Variants in NAALADL2 observed in about 807,000 individuals in gnomAD.
NAALADL2 encodes the protein N-acetylated alpha-linked acidic dipeptidase like 2.
NAALADL2 carries 76 observed loss-of-function variants against 87.2 expected under a neutral mutation model. That is an observed-to-expected ratio of 0.87 (90% CI 0.72 to 1.05). NAALADL2 has a LOEUF of 1.05. NAALADL2 is among the 50% of genes least tolerant of loss of function. The probability of loss-of-function intolerance (pLI) is 0.00; values close to 1 mark genes in which losing one functional copy is unlikely to be tolerated. For missense variants in NAALADL2, 1,089 were observed against 945.8 expected (o/e 1.15, Z -1.99); for synonymous variants, 354 against 331.0 (o/e 1.07, Z -0.75).
At chr3:175,227,109 A>AT (rs533258060) in intron 2 of NAALADL2, among the ~76,000 whole-genome samples, 75 of 152,010 alleles carry the variant, frequency 4.9e-4, no homozygotes, top group Non-Finnish European at 8.0e-4. Flanking sequence ...AAATGTGCTG[A>AT]TTTTTTCCAT....
intron 3 of NAALADL2, among the ~76,000 whole-genome samples, chr3:174,841,302 T>G (rs1186216489): frequency 6.6e-6 from 1 of 152,196 alleles, no homozygotes; most frequent in Non-Finnish European, 1.5e-5. Context: ...ATTAATGTTT[T>G]AAGATATTAA....
At chr3:175,536,888 A>C (rs1007944965) in intron 9 of NAALADL2, among the ~76,000 whole-genome samples, 1 of 152,184 alleles carries the variant, frequency 6.6e-6, no homozygotes, top group Non-Finnish European at 1.5e-5. Flanking sequence ...AGCCTGAGGC[A>C]GGAGAATGGC....
intron 12 of NAALADL2, 76 bp downstream of exon 12, chr3:175,737,475 G>C: frequency 2.3e-6 from 2 of 878,286 alleles, no homozygotes; most frequent in Non-Finnish European, 1.9e-6. Context: ...AATGGATGAA[G>C]TCATCAATGA....
intron 4 of NAALADL2, among the ~76,000 whole-genome samples, chr3:175,306,385 G>A (rs572131735): frequency 6.6e-6 from 1 of 151,970 alleles, no homozygotes; most frequent in Non-Finnish European, 1.5e-5. Flanking sequence ...AACTACTACC[G>A]AGTGCCAGGG....
intron 11 of NAALADL2, among the ~76,000 whole-genome samples, chr3:175,697,400 GACACACACACACAC>G (rs57471272): frequency 6.2e-5 from 9 of 145,238 alleles, no homozygotes; most frequent in African/African-American, 2.0e-4. Context: ...GCTGCACACA[GACACACACACACAC>G]ACACACACAC....
At chr3:175,597,524 T>C (rs775667194) in intron 10 of NAALADL2, among the ~76,000 whole-genome samples, 3 of 151,990 alleles carry the variant, frequency 2.0e-5, no homozygotes, top group African/African-American at 2.4e-5. Context: ...TCTTTATCTA[T>C]AGAGTGAGAG....
chr3:175,048,117 A>G (rs1938152417), intron 1 of NAALADL2, among the ~76,000 whole-genome samples: 1 of 152,186 alleles, frequency 6.6e-6, no homozygotes, highest in Non-Finnish European at 1.5e-5. Context: ...GGAAATAAAA[A>G]GTAATTGAAA....
chr3:175,674,814 G>A (rs1359721749), intron 11 of NAALADL2, among the ~76,000 whole-genome samples: 3 of 152,126 alleles, frequency 2.0e-5, no homozygotes, highest in Non-Finnish European at 2.9e-5. Context: ...GCATTCCATT[G>A]AGTTAGTTAT....
intron 2 of NAALADL2, among the ~76,000 whole-genome samples, chr3:175,156,032 G>A (rs1732264987): frequency 6.6e-6 from 1 of 152,176 alleles, no homozygotes; most frequent in Non-Finnish European, 1.5e-5. Context: ...TACAGAAGAA[G>A]TTTAATGTCT....
intron 2 of NAALADL2, among the ~76,000 whole-genome samples, chr3:174,625,515 A>G (rs986061217): frequency 7.2e-5 from 11 of 151,906 alleles, no homozygotes; most frequent in African/African-American, 2.4e-4. Context: ...GTAAAATAAC[A>G]CTAACCTAAA....
chr3:174,733,814 G>A (rs1732930916), intron 2 of NAALADL2, among the ~76,000 whole-genome samples: 1 of 152,198 alleles, frequency 6.6e-6, no homozygotes. Context: ...ATGTCACAAT[G>A]TGTGGCAAAA....
At chr3:175,206,237 T>TA (rs1187051091) in intron 2 of NAALADL2, among the ~76,000 whole-genome samples, 49 of 115,546 alleles carry the variant, frequency 4.2e-4, no homozygotes, top group Admixed American at 2.2e-3. Flanking sequence ...ATACTGTGGA[T>TA]AAAAAACTAT....
chr3:175,344,016 C>T (rs1030550015), intron 5 of NAALADL2, among the ~76,000 whole-genome samples: 24 of 152,016 alleles, frequency 1.6e-4, no homozygotes, highest in Admixed American at 7.2e-4. Flanking sequence ...TTTCTGTCTC[C>T]TAAACCCAGT....
intron 3 of NAALADL2, among the ~76,000 whole-genome samples, chr3:174,748,325 C>CT (rs1734482127): frequency 9.1e-6 from 1 of 109,354 alleles, no homozygotes; most frequent in South Asian, 3.1e-4. Context: ...AAATAAATTA[C>CT]ATTTTTTTTT....
At chr3:175,232,136 A>G (rs186466887) in intron 2 of NAALADL2, among the ~76,000 whole-genome samples, 87 of 151,628 alleles carry the variant, frequency 5.7e-4, no homozygotes, top group Middle Eastern at 6.8e-3. Context: ...GAAGGGGAAG[A>G]GGAAGAGGAA....
intron 2 of NAALADL2, among the ~76,000 whole-genome samples, chr3:175,204,580 A>G (rs1193287350): frequency 6.6e-6 from 1 of 152,102 alleles, no homozygotes; most frequent in Non-Finnish European, 1.5e-5. Flanking sequence ...TCAACATAGA[A>G]CTGGACGTCC....
intron 1 of NAALADL2, among the ~76,000 whole-genome samples, chr3:174,888,543 T>C (rs997317524): frequency 6.6e-6 from 1 of 152,208 alleles, no homozygotes; most frequent in Non-Finnish European, 1.5e-5. Flanking sequence ...ATATTTCTAA[T>C]TTCCACATAC....
intron 9 of NAALADL2, among the ~76,000 whole-genome samples, chr3:175,562,252 C>T (rs1716390847): frequency 6.6e-6 from 1 of 152,088 alleles, no homozygotes; most frequent in African/African-American, 2.4e-5. Flanking sequence ...AGATGATTTA[C>T]TTAATCTCTC....
intron 5 of NAALADL2, among the ~76,000 whole-genome samples, chr3:175,337,210 T>G (rs1360361707): frequency 6.6e-6 from 1 of 151,974 alleles, no homozygotes; most frequent in Non-Finnish European, 1.5e-5. Context: ...AGAGTCTTGG[T>G]TGGTCTGTGT....
Sources: allele counts gnomAD v4.1 joint callset (sites outside exome capture counted in the v4.1 genomes callset), GRCh38; gene constraint gnomAD v4.1.1; transcripts MANE v1.5; gene names NCBI Gene and HGNC (gene_info 2026-07-23, HGNC 2026-07-21).